The following HTT variants were observed in gnomAD, a reference collection of about 807,000 sequenced individuals.
HTT encodes huntingtin, also known as huntington disease protein.
HTT carries 104 observed loss-of-function variants against 362.3 expected under a neutral mutation model. The ratio of observed to expected loss-of-function variants is 0.29; its 90% CI spans 0.24 to 0.34. The LOEUF (loss-of-function observed/expected upper bound fraction) is 0.34. Ranked by LOEUF, HTT falls within the 10% of genes least tolerant of loss-of-function variation. The pLI is 1.00. For missense variants in HTT, 3,301 were observed against 3,928.6 expected, an observed-to-expected ratio of 0.84 and a Z score of 4.27; for synonymous variants, 1,577 against 1,548.7, an observed-to-expected ratio of 1.02 and a Z score of -0.43.
intron 47 of HTT, 32 bp from the exon 48 acceptor site, chr4:3,211,897 T>G: frequency 6.7e-7 from 1 of 1,493,812 alleles, no homozygotes; most frequent in Non-Finnish European, 9.3e-7. Flanking sequence ...TCTGTTGTTA[T>G]TGTTTGTTAA....
chr4:3,221,524 T>G (rs1399836984), intron 53 of HTT, among the ~76,000 whole-genome samples: 1 of 152,224 alleles, frequency 6.6e-6, no homozygotes, highest in Admixed American at 6.5e-5. Flanking sequence ...TTTGTCTGTA[T>G]CTGTGTCTGA....
intron 56 of HTT, 68 bp downstream of exon 56, chr4:3,224,199 C>T (rs1372908367): frequency 6.6e-7 from 1 of 1,513,974 alleles, no homozygotes; most frequent in Non-Finnish European, 9.1e-7. Context: ...CTGGCATGCT[C>T]ACCACACCAG....
Position 3,206,267 on chromosome 4 carries a change from G to A in HTT, c.5719-229G>A, listed in dbSNP as rs1410261834. Among the ~76,000 whole-genome samples the A allele has an allele frequency of 6.6e-6, 1 of 151,118 alleles. No individual in the cohort carries two copies. Among genetic ancestry groups the A allele is most frequent in the Admixed American group, 6.6e-5 (1 of 15,248 alleles). On this transcript the variant is annotated intron_variant, in intron 42 of 66. Coordinates refer to ENST00000355072, the MANE Select transcript of HTT (RefSeq NM_001388492.1). This position sits in a 1 kb window ranked among gnomAD's most constrained non-coding sequence, Gnocchi z 4.6. ...CTGCTGTACCCTACTTCCCCAGGGG[G>A]CCTAACTTCACACAGCCTCTGCCGC...
intron 60 of HTT, among the ~76,000 whole-genome samples, chr4:3,230,439 C>G (rs1357956978): frequency 6.6e-6 from 1 of 152,188 alleles, no homozygotes; most frequent in Non-Finnish European, 1.5e-5. Flanking sequence ...CAGTTATGTT[C>G]CAGGCCCCCC....
At chr4:3,133,194 G>A (rs1310391752) in intron 18 of HTT, among the ~76,000 whole-genome samples, 1 of 152,018 alleles carries the variant, frequency 6.6e-6, no homozygotes, top group African/African-American at 2.4e-5. Context: ...TGTAAAGTCT[G>A]TTGAATATGC....
intron 29 of HTT, among the ~76,000 whole-genome samples, chr4:3,166,145 A>C (rs991260295): frequency 6.6e-6 from 1 of 151,996 alleles, no homozygotes; most frequent in Admixed American, 6.5e-5. Context: ...TCTGTTTGTT[A>C]GTTTTCCTTC....
At chr4:3,186,306 A>G (rs963834103) in intron 37 of HTT, among the ~76,000 whole-genome samples, 3 of 152,170 alleles carry the variant, frequency 2.0e-5, no homozygotes, top group Admixed American at 2.0e-4. Flanking sequence ...CTGCAGTGCT[A>G]GTTGATTTTT....
intron 9 of HTT, 125 bp downstream of exon 9, chr4:3,121,557 T>C: frequency 4.6e-6 from 3 of 652,918 alleles, no homozygotes; most frequent in Non-Finnish European, 5.3e-6. Context: ...AAACTTATAA[T>C]ACAAATTTCA....
At chr4:3,151,060 A>C (rs1028436343) in intron 26 of HTT, among the ~76,000 whole-genome samples, 30 of 152,016 alleles carry the variant, frequency 2.0e-4, no homozygotes, top group African/African-American at 4.3e-4. Flanking sequence ...AAAACAAAAA[A>C]AAAAAAAACC....
In HTT at chr4:3,218,985, TTGCTCC is replaced by T. The variant is rs1388831723; in HGVS notation, c.7242+1034_7242+1039del. Among the ~76,000 whole-genome samples, 10 of 152,144 alleles carry T rather than the reference TTGCTCC, an allele frequency of 6.6e-5. No homozygotes were observed. The highest frequency in any genetic ancestry group is 1.5e-4 in the Non-Finnish European group (10 of 68,016). On this transcript the variant is annotated intron_variant, in intron 52 of 66. Transcript: ENST00000355072. This position sits in a 1 kb window ranked among gnomAD's most constrained non-coding sequence, Gnocchi z 4.4. ...TGTATGCTGGAGAGTCTAGGGAGGC[TTGCTCC>T]AAGGACGCAGTATTGTTTGATCCTG...
intron 10 of HTT, among the ~76,000 whole-genome samples, chr4:3,124,685 T>C (rs893766522): frequency 5.9e-5 from 9 of 152,248 alleles, no homozygotes; most frequent in Non-Finnish European, 1.0e-4. Context: ...AAAGAACTTA[T>C]TTTGTAATAA....
chr4:3,225,735 C>A lies in HTT; in HGVS notation c.7840C>A (p.Leu2614Ile). The change falls in exon 57 of 67, where the codon CTC (leucine) becomes ATC (isoleucine). Residue 2614 changes from leucine (L) to isoleucine (I), a missense_variant. Around this residue, in one of 4 missense-constraint regions of HTT, gnomAD observed 753 missense variants for 1,021.3 expected, o/e 0.74. Transcript: ENST00000355072. The stretch of plus-strand genomic sequence containing the variant: ...GGAGCTGGGGAGCATGAGCTACAAA[C>A]TCGGCCAGGTCAGTCTCGCGCCCCC... ...ERELGSMSYK[L>I]GQVSIHSVWL... is the part of the protein sequence containing the mutation. 6.2e-7 allele frequency: 1 copy of A among 1,613,960 alleles called. No homozygotes were observed. The highest frequency in any genetic ancestry group is 8.5e-7 in the Non-Finnish European group (1 of 1,179,926).
At chr4:3,195,343 A>G (rs1290108542) in intron 40 of HTT, among the ~76,000 whole-genome samples, 1 of 152,136 alleles carries the variant, frequency 6.6e-6, no homozygotes, top group African/African-American at 2.4e-5. Flanking sequence ...TTTAGCTCAC[A>G]AAAACACGGC....
intron 29 of HTT, among the ~76,000 whole-genome samples, chr4:3,167,296 C>A (rs537269122): frequency 1.3e-5 from 2 of 152,170 alleles, no homozygotes; most frequent in Non-Finnish European, 2.9e-5. Context: ...TAGTCTCGAA[C>A]TCCTGACCTT....
At chr4:3,219,704 G>C (rs1720588653) in intron 52 of HTT, among the ~76,000 whole-genome samples, 1 of 152,198 alleles carries the variant, frequency 6.6e-6, no homozygotes, top group Non-Finnish European at 1.5e-5. Flanking sequence ...CCTGCCTCTG[G>C]ATTCTTCTGT....
intron 11 of HTT, among the ~76,000 whole-genome samples, chr4:3,126,610 C>A (rs1353289037): frequency 6.6e-6 from 1 of 151,990 alleles, no homozygotes; most frequent in Non-Finnish European, 1.5e-5. Context: ...AATAAAACAT[C>A]ACAGCAATCC....
In HTT at chr4:3,241,389, C is replaced by A. The variant is rs1343527114; in HGVS notation, c.*1330C>A. ...CCAGGCCAGGTCCCTGGACCAGCCT[C>A]CTGTTTGCAGGCCCAGAGGAGCCAA... On this transcript the variant is annotated 3_prime_UTR_variant, in exon 67 of 67. Transcript: ENST00000355072. 1 of 152,428 alleles carries A rather than the reference C, an allele frequency of 6.6e-6. No individual in the cohort carries two copies. Among genetic ancestry groups the A allele is most frequent in the Non-Finnish European group, 1.5e-5 (1 of 68,132 alleles). 9.4% of individuals were successfully genotyped at this position (152,428 alleles called of 1,614,324 possible).
At chr4:3,216,880 C>A (rs1036578462) in intron 51 of HTT, among the ~76,000 whole-genome samples, 1 of 151,892 alleles carries the variant, frequency 6.6e-6, no homozygotes, top group Admixed American at 6.5e-5. Flanking sequence ...AAAAAATTAG[C>A]CGGGCGTAGT....
At chr4:3,234,585 G>A (rs1365111877) in intron 61 of HTT, among the ~76,000 whole-genome samples, 1 of 152,260 alleles carries the variant, frequency 6.6e-6, no homozygotes, top group East Asian at 1.9e-4. Context: ...GGAGGACTCA[G>A]GGAAGGAGAG....
Sources: gnomAD v4.1 joint callset for allele counts (sites outside exome capture counted in the v4.1 genomes callset) on GRCh38, gnomAD v4.1.1 for gene constraint, gnomAD v4.1.1 regional missense constraint, Gnocchi (gnomAD v3.1) non-coding constraint, MANE v1.5 for transcripts, NCBI Gene and HGNC (gene_info 2026-07-23, HGNC 2026-07-21) for gene names.